TLN2: variants seen among roughly 807,000 people sequenced by gnomAD.
TLN2 encodes the protein talin-2.
In TLN2, 118 loss-of-function variants were observed where a neutral mutation model predicts 294.7. The ratio of observed to expected loss-of-function variants is 0.40; its 90% CI spans 0.34 to 0.47. The LOEUF is 0.47. Among genes scored for constraint, TLN2 ranks in the 20% least tolerant of loss-of-function variants. The pLI is 0.84. For synonymous variants in TLN2, 1,431 were observed against 1,304.5 expected, an observed-to-expected ratio of 1.10 and a Z score of -2.09; for missense variants, 3,083 against 3,282.2, an observed-to-expected ratio of 0.94 and a Z score of 1.48.
chr15:62,755,072 T>G (rs1386515504), intron 36 of TLN2: 1 of 153,184 alleles, frequency 6.5e-6, no homozygotes, highest in Non-Finnish European at 1.5e-5. Context: ...AATCTCAATA[T>G]TTTTAAATTG....
At chr15:62,699,957 A>G (rs2058612589) in intron 16 of TLN2, among the ~76,000 whole-genome samples, 1 of 152,220 alleles carries the variant, frequency 6.6e-6, no homozygotes, top group South Asian at 2.1e-4. Flanking sequence ...CACAGGGGCC[A>G]GAACCAAGAT....
At chr15:62,440,637 CT>C (rs1392851890) in intron 1 of TLN2, among the ~76,000 whole-genome samples, 1 of 152,210 alleles carries the variant, frequency 6.6e-6, no homozygotes, top group Non-Finnish European at 1.5e-5. Flanking sequence ...TCTTATACCC[CT>C]ATCCCTGTCT....
At position 62,423,789 on chromosome 15, in the gene TLN2, G is replaced by A. The variant is rs527939427; in HGVS notation, c.-238+33104G>A. ...GAGACTGGGTTTCTCCATGTTGGCC[G>A]GGCTGGTCTTGAACTCCTGACCTCA... On this transcript the variant is annotated intron_variant, in intron 1 of 58. Coordinates refer to ENST00000636159, the MANE Select transcript of TLN2 (RefSeq NM_015059.3). Among the ~76,000 whole-genome samples the A allele has an allele frequency of 4.1e-4, 63 of 152,086 alleles. 1 individual carries two copies. The South Asian group carries it at 0.013, about 30-fold the overall frequency.
At chr15:62,688,518 C>G (rs1473625312) in intron 12 of TLN2, among the ~76,000 whole-genome samples, 1 of 152,066 alleles carries the variant, frequency 6.6e-6, no homozygotes, top group African/African-American at 2.4e-5. Context: ...CAGTTAGATC[C>G]CTATTAGTTG....
At chr15:62,618,824 T>C (rs914981640) in intron 3 of TLN2, among the ~76,000 whole-genome samples, 1 of 152,234 alleles carries the variant, frequency 6.6e-6, no homozygotes, top group Admixed American at 6.5e-5. Context: ...GTTGAAAACC[T>C]TTTCTGGCTT....
intron 1 of TLN2, among the ~76,000 whole-genome samples, chr15:62,521,776 C>G (rs950041806): frequency 6.6e-6 from 1 of 152,140 alleles, no homozygotes. Flanking sequence ...GGACATTTTC[C>G]GCATGCAAAT....
At chr15:62,497,668 G>A (rs1472249517) in intron 1 of TLN2, among the ~76,000 whole-genome samples, 1 of 152,202 alleles carries the variant, frequency 6.6e-6, no homozygotes, top group Non-Finnish European at 1.5e-5. Context: ...GTTGCAATAT[G>A]ATTTTTTCTC....
chr15:62,510,128 C>T (rs1042579797), intron 1 of TLN2, among the ~76,000 whole-genome samples: 1 of 152,140 alleles, frequency 6.6e-6, no homozygotes, highest in African/African-American at 2.4e-5. Context: ...TCTTGCAAAA[C>T]GGGGGCTGGT....
chr15:62,405,737 G>T (rs2033355384), intron 1 of TLN2, among the ~76,000 whole-genome samples: 1 of 152,168 alleles, frequency 6.6e-6, no homozygotes, highest in South Asian at 2.1e-4. Context: ...CCAGAAGCTG[G>T]CCTGAGTGCT....
Position 62,800,486 on chromosome 15 carries a change from C to A in TLN2, c.6353C>A (p.Ala2118Asp). 1.2e-6 allele frequency: 2 copies of A among 1,614,064 alleles called. No homozygotes were observed. Among genetic ancestry groups the A allele is most frequent in the Non-Finnish European group, 1.7e-6 (2 of 1,179,970 alleles). ...CCTTCCATGTACCAGCTCAAGGGGG[C>A]TGCCAAGGTAGAGTGGGGCTCCGAC... ...DDPSMYQLKG[A>D]AKVMVTNVTS... Residue 2118 changes from alanine to aspartate, a missense_variant, in exon 49 of 59, where the codon GCT becomes GAT. Coordinates refer to ENST00000636159, the MANE Select transcript of TLN2 (RefSeq NM_015059.3).
At chr15:62,721,958 TTTTA>T (rs2060175910) in intron 25 of TLN2, among the ~76,000 whole-genome samples, 1 of 152,180 alleles carries the variant, frequency 6.6e-6, no homozygotes, top group Non-Finnish European at 1.5e-5. Context: ...ATGTTAGCTG[TTTTA>T]TTTATCTGTC....
At chr15:62,443,815 A>G (rs1184257427) in intron 1 of TLN2, among the ~76,000 whole-genome samples, 1 of 152,106 alleles carries the variant, frequency 6.6e-6, no homozygotes, top group Non-Finnish European at 1.5e-5. Context: ...CAACCTTGGT[A>G]ACGGCGAAAC....
chr15:62,699,561 G>A (rs28460753), intron 16 of TLN2, among the ~76,000 whole-genome samples: 10,479 of 152,174 alleles, frequency 0.069, 624 homozygotes, highest in African/African-American at 0.16. Context: ...AGCTGCTGCT[G>A]CATGAAATCT....
chr15:62,624,431 G>T (rs67825363), intron 3 of TLN2, among the ~76,000 whole-genome samples: 37,274 of 152,124 alleles, frequency 0.25, 5,592 homozygotes, highest in East Asian at 0.54. Flanking sequence ...TTCTGTCCCT[G>T]GGAAGCCTTG....
chr15:62,797,349 G>A lies in TLN2; in HGVS notation c.6181G>A (p.Glu2061Lys). The change falls in exon 48 of 59, where the codon GAA becomes AAA. Residue 2061 changes from glutamate to lysine, a missense_variant. Transcript: ENST00000636159. The part of the protein sequence containing the change: ...SSAATITQLA[E>K]VVKLGAASLG... The stretch of plus-strand genomic sequence containing the variant: ...AGCAGCCACCATCACCCAGCTCGCA[G>A]AAGTGGTCAAGCTGGGGGCAGCCAG... 3.1e-6 allele frequency: 5 copies of A among 1,613,372 alleles called. No individual in the cohort carries two copies. The highest frequency in any genetic ancestry group is 4.2e-6 in the Non-Finnish European group (5 of 1,179,930).
intron 1 of TLN2, among the ~76,000 whole-genome samples, chr15:62,487,011 A>C (rs899322016): frequency 6.6e-6 from 1 of 152,130 alleles, no homozygotes; most frequent in Admixed American, 6.5e-5. Context: ...TAGAAGCATA[A>C]ATGCAGTGTT....
intron 2 of TLN2, among the ~76,000 whole-genome samples, chr15:62,601,605 A>G (rs535012900): frequency 3.9e-5 from 6 of 152,212 alleles, no homozygotes; most frequent in South Asian, 2.1e-4. Context: ...ATCATTGCCT[A>G]TATCTCTTAA....
intron 1 of TLN2, among the ~76,000 whole-genome samples, chr15:62,402,566 C>A: frequency 6.6e-6 from 1 of 152,142 alleles, no homozygotes; most frequent in Admixed American, 6.5e-5. Context: ...TTGGTTAAGC[C>A]CACCCTCTGC....
chr15:62,658,040 A>G, intron 9 of TLN2, 142 bp downstream of exon 9: 1 of 830,278 alleles, frequency 1.2e-6, no homozygotes, highest in Admixed American at 3.2e-5. Flanking sequence ...CATCGAGTAG[A>G]TGACCAAATT....
Sources: allele counts gnomAD v4.1 joint callset (sites outside exome capture counted in the v4.1 genomes callset), GRCh38; gene constraint gnomAD v4.1.1; transcripts MANE v1.5; gene names NCBI Gene and HGNC (gene_info 2026-07-23, HGNC 2026-07-21).